The following TDRD5 variants were observed in gnomAD, a reference collection of about 807,000 sequenced individuals.
The protein encoded by TDRD5 is tudor domain-containing protein 5.
A neutral mutation model predicts 120.6 loss-of-function variants in TDRD5; 41 were observed. The observed-to-expected ratio is 0.34, with a 90% CI of 0.26 to 0.44. The LOEUF is 0.44. Among genes scored for constraint, TDRD5 ranks in the 20% least tolerant of loss-of-function variants. The pLI is 1.00. For missense variants in TDRD5, 1,006 were observed against 1,221.2 expected, an observed-to-expected ratio of 0.82 and a Z score of 2.63; for synonymous variants, 430 against 433.7, an observed-to-expected ratio of 0.99 and a Z score of 0.11.
At chr1:179,620,925 C>A (rs1676809082) in intron 5 of TDRD5, 110 bp from the exon 6 acceptor site, 36 of 820,094 alleles carry the variant, frequency 4.4e-5, no homozygotes, top group Admixed American at 1.0e-4. Context: ...GACTAAAATT[C>A]ATTTAATAAT....
intron 17 of TDRD5, among the ~76,000 whole-genome samples, chr1:179,677,470 T>C (rs1338437595): frequency 6.6e-6 from 1 of 152,182 alleles, no homozygotes; most frequent in Non-Finnish European, 1.5e-5. Flanking sequence ...TTCCTTCTTA[T>C]TTGAGTAGAG....
chr1:179,691,210 G>T lies in TDRD5; in HGVS notation c.*267G>T. On this transcript the variant is annotated 3_prime_UTR_variant, in exon 18 of 18. Coordinates refer to ENST00000444136, the MANE Select transcript of TDRD5 (RefSeq NM_001199085.3). ...TTTTTAATGTAGTTTAAAGGAATTT[G>T]TTTTTTTGTGTTTGTTTTTCTTGTA... The T allele has an allele frequency of 3.5e-6, 1 of 286,324 alleles. No individual in the cohort carries two copies. The allele number at this position is 286,324 out of a possible 1,614,324, so 17.7% of individuals were successfully genotyped here.
At chr1:179,655,145 C>T (rs1678931038) in intron 14 of TDRD5, among the ~76,000 whole-genome samples, 1 of 152,048 alleles carries the variant, frequency 6.6e-6, no homozygotes, top group African/African-American at 2.4e-5. Context: ...AAATAACATC[C>T]TCATGTTGTT....
intron 6 of TDRD5, among the ~76,000 whole-genome samples, chr1:179,624,354 C>T (rs955337381): frequency 6.6e-6 from 1 of 152,058 alleles, no homozygotes; most frequent in African/African-American, 2.4e-5. Context: ...TGAACAATTC[C>T]CCCTTAAAAT....
At chr1:179,669,834 G>A (rs757873002) in intron 17 of TDRD5, among the ~76,000 whole-genome samples, 2 of 152,118 alleles carry the variant, frequency 1.3e-5, no homozygotes, top group Admixed American at 6.6e-5. Flanking sequence ...CATATAAATG[G>A]AATTATGTGT....
Position 179,651,058 on chromosome 1 carries a change from C to T in TDRD5, c.1992C>T (p.Ile664=). The change falls in exon 12 of 18, where the codon ATC becomes ATT. Residue 664 remains isoleucine, a synonymous_variant. Coordinates refer to ENST00000444136, the MANE Select transcript of TDRD5 (RefSeq NM_001199085.3). ...ATGCTATTGTATGCCGAGAAAATAT[C>T]TCTTCTAAGGTGGAGCAGTCTGGAT... ...EGHAIVCREN[I]SSKGFSELNP... is the part of the protein sequence containing the mutation. The T allele has an allele frequency of 6.2e-7, 1 of 1,614,026 alleles. No individual in the cohort carries two copies. The highest frequency in any genetic ancestry group is 8.5e-7 in the Non-Finnish European group (1 of 1,180,004).
intron 16 of TDRD5, 60 bp from the exon 17 acceptor site, chr1:179,669,134 G>A (rs1157200853): frequency 1.3e-5 from 18 of 1,439,260 alleles, no homozygotes; most frequent in Non-Finnish European, 1.6e-5. Context: ...AGGAAATAGG[G>A]CTTAATTATT....
At chr1:179,687,772 GA>G (rs1482830801) in intron 17 of TDRD5, among the ~76,000 whole-genome samples, 1 of 151,854 alleles carries the variant, frequency 6.6e-6, no homozygotes, top group Non-Finnish European at 1.5e-5. Flanking sequence ...TCTTCTTGTT[GA>G]ATTGATCCCT....
chr1:179,604,419 G>A (rs1675868431), intron 4 of TDRD5, among the ~76,000 whole-genome samples: 2 of 151,670 alleles, frequency 1.3e-5, no homozygotes, highest in African/African-American at 4.8e-5. Flanking sequence ...CTTCTGCTGG[G>A]TTTGGGTTTG....
chr1:179,686,331 A>T (rs1235043961), intron 17 of TDRD5, among the ~76,000 whole-genome samples: 4 of 152,172 alleles, frequency 2.6e-5, no homozygotes, highest in African/African-American at 9.7e-5. Flanking sequence ...TTCTGTGTAT[A>T]TGAGGAATTA....
At chr1:179,651,117 C>T (rs764349298) in intron 12 of TDRD5, 50 bp downstream of exon 12, 24 of 1,579,018 alleles carry the variant, frequency 1.5e-5, no homozygotes, top group South Asian at 4.5e-5. Context: ...AATTTCACCA[C>T]GTCAAGGTAT....
chr1:179,646,560 G>C (rs10913848), intron 11 of TDRD5, among the ~76,000 whole-genome samples: 36,149 of 128,944 alleles, frequency 0.28, 5,619 homozygotes, highest in Admixed American at 0.34. Context: ...GGGATGCCCT[G>C]TCTCACCACT....
Position 179,650,882 on chromosome 1 carries a change from A to C in TDRD5, c.1816A>C (p.Lys606Gln). ...VRPVEEHWTS[K>Q]AILQFQKLCG... The stretch of plus-strand genomic sequence containing the variant: ...CATATTTCAGGAACACTGGACATCG[A>C]AAGCTATTTTGCAGTTCCAGAAGTT... Residue 606 changes from lysine (K) to glutamine (Q), a missense_variant, in exon 12 of 18, where the codon AAA becomes CAA. Physicochemically the swap from Lys to Gln is moderately conservative, Grantham distance 53. Transcript: ENST00000444136. The C allele has an allele frequency of 1.9e-6, 3 of 1,614,172 alleles. No homozygotes were observed. The highest frequency in any genetic ancestry group is 2.5e-6 in the Non-Finnish European group (3 of 1,180,016).
At chr1:179,638,966 G>C (rs1380987018) in intron 9 of TDRD5, among the ~76,000 whole-genome samples, 1 of 152,188 alleles carries the variant, frequency 6.6e-6, no homozygotes, top group Admixed American at 6.5e-5. Context: ...TAGAGAAAAG[G>C]GAAAGAGGAG....
At chr1:179,673,243 C>T (rs1217380194) in intron 17 of TDRD5, among the ~76,000 whole-genome samples, 1 of 152,058 alleles carries the variant, frequency 6.6e-6, no homozygotes, top group African/African-American at 2.4e-5. Context: ...AGATGTGTTT[C>T]CATTTGTTTG....
chr1:179,645,085 T>C (rs1190253499), intron 11 of TDRD5, among the ~76,000 whole-genome samples: 4,727 of 134,506 alleles, frequency 0.035, 128 homozygotes, highest in East Asian at 0.097. Flanking sequence ...TCTTTTTTTT[T>C]TTTTTTTTTT....
intron 16 of TDRD5, among the ~76,000 whole-genome samples, chr1:179,668,870 G>A (rs1679701967): frequency 6.6e-6 from 1 of 151,258 alleles, no homozygotes; most frequent in South Asian, 2.1e-4. Context: ...AGCTTCCTGA[G>A]TAGCTGGGAC....
intron 11 of TDRD5, among the ~76,000 whole-genome samples, chr1:179,644,891 G>T (rs1341299284): frequency 6.6e-6 from 1 of 150,920 alleles, no homozygotes; most frequent in East Asian, 1.9e-4. Context: ...GGTTTATTTT[G>T]CTGTTCTTTC....
intron 17 of TDRD5, among the ~76,000 whole-genome samples, chr1:179,678,805 A>G (rs1423620394): frequency 2.6e-5 from 4 of 152,138 alleles, no homozygotes; most frequent in Admixed American, 6.5e-5. Context: ...TTCTGTATAG[A>G]CATTTCATAT....
Sources: allele counts gnomAD v4.1 joint callset (sites outside exome capture counted in the v4.1 genomes callset), GRCh38; gene constraint gnomAD v4.1.1; transcripts MANE v1.5; gene names NCBI Gene and HGNC (gene_info 2026-07-23, HGNC 2026-07-21).